Variants in SH2B2 observed in about 807,000 individuals in gnomAD.
The protein encoded by SH2B2 is SH2B adapter protein 2.
SH2B2 carries 37 observed loss-of-function variants against 35.7 expected under a neutral mutation model. The ratio of observed to expected loss-of-function variants is 1.04; its 90% CI spans 0.80 to 1.36. SH2B2 has a LOEUF of 1.36. Ranked by LOEUF, SH2B2 falls within the 40% of genes most tolerant of loss-of-function variation. SH2B2 has a pLI of 0.00. For missense variants in SH2B2, 852 were observed against 817.7 expected (o/e 1.04, Z -0.51); for synonymous variants, 383 against 376.4 (o/e 1.02, Z -0.20).
chr7:102,288,366 T>G (rs1387618025), intron 1 of SH2B2, among the ~76,000 whole-genome samples: 3 of 151,936 alleles, frequency 2.0e-5, no homozygotes, highest in Non-Finnish European at 4.4e-5. Context: ...AGGGCATTTT[T>G]GGGGGTCTCA....
chr7:102,301,537 CGTGTGTGT>C (rs139217859), intron 2 of SH2B2, among the ~76,000 whole-genome samples: 1 of 148,190 alleles, frequency 6.7e-6, no homozygotes, highest in South Asian at 2.2e-4. Flanking sequence ...TTTTTCTTTT[CGTGTGTGT>C]GTGTGTGTGT....
chr7:102,317,775 G>A (rs948074608), intron 7 of SH2B2, among the ~76,000 whole-genome samples: 1 of 152,150 alleles, frequency 6.6e-6, no homozygotes, highest in South Asian at 2.1e-4. Context: ...CCCAGTGGGG[G>A]GTGGGAGCCA....
chr7:102,294,071 C>G (rs1429058596), intron 1 of SH2B2, among the ~76,000 whole-genome samples: 1 of 152,176 alleles, frequency 6.6e-6, no homozygotes, highest in African/African-American at 2.4e-5. Context: ...CGCTCTGTTG[C>G]CCAGGCTGGA....
rs368400991 is a variant in SH2B2 at position 102,320,336 on chromosome 7, G to C, written c.1401G>C (p.Leu467=). ...ACACCCACCTGTACCCACAGCACCT[G>C]CGCCTGTCCCTGAACGGCCACGGCC... ...TFNFQGKAKH[L]RLSLNGHGQC... The change falls in exon 8 of 9, where the codon CTG becomes CTC. Residue 467 remains leucine, a synonymous_variant. Transcript: ENST00000444095. 3.1e-6 allele frequency: 5 copies of C among 1,610,634 alleles called. No homozygotes were observed. In the African/African-American group the frequency reaches 6.7e-5, roughly 21 times the overall value.
In SH2B2 at chr7:102,317,273, G is replaced by A; in HGVS notation, c.1273G>A (p.Val425Ile). ...YPWFHGTLSR[V>I]KAAQLVLAGG... ...ATGGTTCCACGGGACACTGTCCCGG[G>A]TCAAGGCTGCTCAACTGGTTCTGGC... Residue 425 changes from valine (V) to isoleucine (I), a missense_variant, in exon 7 of 9, where the codon GTC (valine) becomes ATC (isoleucine). Coordinates refer to ENST00000444095, the MANE Select transcript of SH2B2 (RefSeq NM_001359228.2). 1 of 1,613,802 alleles carries A rather than the reference G, an allele frequency of 6.2e-7. No individual in the cohort carries two copies.
upstream of SH2B2, among the ~76,000 whole-genome samples, chr7:102,286,121 T>C (rs782451046): frequency 4.6e-5 from 7 of 152,168 alleles, no homozygotes; most frequent in Non-Finnish European, 1.0e-4. Flanking sequence ...GTGCCAGGGT[T>C]GTGGCCCCTC....
rs191801742 is a variant in SH2B2, at chr7:102,317,463, C to A, written c.1395+68C>A. The A allele has an allele frequency of 5.1e-6, 7 of 1,375,364 alleles. No homozygotes were observed. In the African/African-American group the frequency reaches 1.0e-4, roughly 20 times the overall value. The allele number at this position is 1,375,364 out of a possible 1,614,324, so 85.2% of individuals were successfully genotyped here. A position where few individuals can be genotyped will look rare whatever the true frequency, so the allele number is the denominator to read the frequency against. ...TGAGGGAGAGGGGTCATGGTGACCCCGGTCCTGAGGCTGTGCCCTGGAAGC... is the reference window on the plus strand; with the variant it reads ...TGAGGGAGAGGGGTCATGGTGACCCAGGTCCTGAGGCTGTGCCCTGGAAGC... On this transcript the variant is annotated intron_variant, in intron 7 of 8. Transcript: ENST00000444095.
chr7:102,293,882 C>T (rs1792795345), intron 1 of SH2B2, among the ~76,000 whole-genome samples: 1 of 152,126 alleles, frequency 6.6e-6, no homozygotes. Context: ...CAGTCCAGCA[C>T]TGCCTGGCAC....
intron 1 of SH2B2, among the ~76,000 whole-genome samples, chr7:102,291,445 C>T (rs1554551767): frequency 6.6e-6 from 1 of 152,162 alleles, no homozygotes. Flanking sequence ...TCAGAACAGC[C>T]AAGACCACTA....
chr7:102,295,978 C>T (rs1792898058), intron 1 of SH2B2, among the ~76,000 whole-genome samples: 1 of 152,140 alleles, frequency 6.6e-6, no homozygotes, highest in African/African-American at 2.4e-5. Flanking sequence ...TTTCTTTGCA[C>T]TCATGAAGCC....
At position 102,317,401 on chromosome 7, in the gene SH2B2, T is replaced by C. The variant is rs1227415186; in HGVS notation, c.1395+6T>C. The C allele has an allele frequency of 6.4e-7, 1 of 1,559,762 alleles. No homozygotes were observed. Among genetic ancestry groups the C allele is most frequent in the African/African-American group, 1.4e-5 (1 of 74,040 alleles). The stretch of plus-strand genomic sequence containing the variant: ...ACTTCCAGGGCAAGGCCAAGGCAAG[T>C]GTGTGGGGGGCGCCATGGGGGTGCA... On this transcript the variant is annotated splice_donor_region_variant and intron_variant, in intron 7 of 8. Coordinates refer to ENST00000444095, the MANE Select transcript of SH2B2 (RefSeq NM_001359228.2).
rs556097759 is a variant in SH2B2, at chr7:102,290,533, G to A, written c.-30+3439G>A. Among the ~76,000 whole-genome samples, 65 of 152,264 alleles carry A rather than the reference G, an allele frequency of 4.3e-4. 1 individual carries two copies. Among genetic ancestry groups the A allele is most frequent in the African/African-American group, 1.5e-3 (64 of 41,556 alleles). Reference sequence around the variant, plus strand: ...GCCCTCCTCGGCCTCCCAAAGTGCTGGGATTACAGGTGTGAGCCACTGCAC... The same window carrying A: ...GCCCTCCTCGGCCTCCCAAAGTGCTAGGATTACAGGTGTGAGCCACTGCAC... On this transcript the variant is annotated intron_variant, in intron 1 of 8. Transcript: ENST00000444095.
chr7:102,317,088 TA>T (rs576541502), intron 6 of SH2B2, 98 bp from the exon 7 acceptor site: 183 of 1,003,692 alleles, frequency 1.8e-4, no homozygotes, highest in African/African-American at 4.9e-4. Flanking sequence ...ATTTTGCATG[TA>T]AAAAAACCAA....
chr7:102,285,478 G>A (rs2132871623), upstream of SH2B2, among the ~76,000 whole-genome samples: 1 of 152,342 alleles, frequency 6.6e-6, no homozygotes. Context: ...AGTGTCTGCT[G>A]GCCTGGTCCT....
rs367608965 is a variant in SH2B2, at chr7:102,320,370, G to C, written c.1435G>C (p.Val479Leu). The change falls in exon 8 of 9, where the codon GTA becomes CTA. Residue 479 changes from valine to leucine, a missense_variant. By Grantham distance (32) the Val-to-Leu change is conservative (BLOSUM62 1). Coordinates refer to ENST00000444095, the MANE Select transcript of SH2B2 (RefSeq NM_001359228.2). ...CCTGAACGGCCACGGCCAGTGTCAC[G>C]TACAGCATCTGTGGTTCCAGTCTGT... is the stretch of plus-strand genomic sequence containing the variant. ...LSLNGHGQCHVQHLWFQSVLD... is the reference protein window; with the variant it reads ...LSLNGHGQCHLQHLWFQSVLD... 1 of 1,613,122 alleles carries C rather than the reference G, an allele frequency of 6.2e-7. No homozygotes were observed. Among genetic ancestry groups the C allele is most frequent in the Non-Finnish European group, 8.5e-7 (1 of 1,179,860 alleles).
intron 6 of SH2B2, among the ~76,000 whole-genome samples, chr7:102,316,926 G>C (rs1488895503): frequency 2.6e-5 from 4 of 152,180 alleles, no homozygotes; most frequent in Non-Finnish European, 5.9e-5. Context: ...GGCTGAGGCA[G>C]GAGAATCGCT....
intron 1 of SH2B2, among the ~76,000 whole-genome samples, chr7:102,299,197 CT>C (rs71123035): frequency 5.3e-4 from 13 of 24,634 alleles, no homozygotes; most frequent in Admixed American, 6.5e-4. Flanking sequence ...CCGCGCCTGG[CT>C]TTTTTTTTTT....
At chr7:102,304,482 C>T (rs1349738768) in intron 2 of SH2B2, among the ~76,000 whole-genome samples, 2 of 152,214 alleles carry the variant, frequency 1.3e-5, no homozygotes, top group African/African-American at 4.8e-5. Flanking sequence ...GGGGTGAGCC[C>T]CGGAGGAAAA....
At chr7:102,308,589 A>G (rs1359834282) in intron 3 of SH2B2, among the ~76,000 whole-genome samples, 1 of 152,226 alleles carries the variant, frequency 6.6e-6, no homozygotes, top group Non-Finnish European at 1.5e-5. Context: ...ACATATCCCC[A>G]GTGGGGAGGC....
Sources: gnomAD v4.1 joint callset for allele counts (sites outside exome capture counted in the v4.1 genomes callset) on GRCh38, gnomAD v4.1.1 for gene constraint, MANE v1.5 for transcripts, NCBI Gene and HGNC (gene_info 2026-07-23, HGNC 2026-07-21) for gene names.